The following BARD1 variants were observed in gnomAD, a reference collection of about 807,000 sequenced individuals.
BARD1 encodes BRCA1 associated RING domain 1.
BARD1 carries 73 observed loss-of-function variants against 77.0 expected under a neutral mutation model. The observed-to-expected ratio is 0.95, with a 90% CI of 0.79 to 1.15. The LOEUF (loss-of-function observed/expected upper bound fraction) is 1.15. Ranked by LOEUF, BARD1 falls within the 50% of genes most tolerant of loss-of-function variation. BARD1 has a pLI of 0.00. For synonymous variants in BARD1, 384 were observed against 338.0 expected (o/e 1.14, Z -1.49); for missense variants, 993 against 938.8 (o/e 1.06, Z -0.75).
At chr2:214,747,499 A>G (rs1398823521) in intron 7 of BARD1, among the ~76,000 whole-genome samples, 1 of 151,564 alleles carries the variant, frequency 6.6e-6, no homozygotes, top group African/African-American at 2.4e-5. Context: ...AATGTGGCAC[A>G]TATATACCAT....
intron 7 of BARD1, among the ~76,000 whole-genome samples, chr2:214,749,621 A>G (rs1419944769): frequency 2.6e-5 from 4 of 152,214 alleles, no homozygotes; most frequent in African/African-American, 9.6e-5. Context: ...GAACATCAGC[A>G]AAGGACAACT....
rs879254117 is a variant in BARD1 at position 214,780,546 on chromosome 2, A to G, written c.1314+14T>C. On this transcript the variant is annotated intron_variant, in intron 4 of 10. Transcript: ENST00000260947. ...GCCTCATTCTGAGATGGTATTTCAG[A>G]GTAAGCATCCTACCTTAATAGAAGC... 6.2e-7 allele frequency: 1 copy of G among 1,609,146 alleles called. No homozygotes were observed. The highest frequency in any genetic ancestry group is 8.5e-7 in the Non-Finnish European group (1 of 1,175,698).
At chr2:214,781,871 T>C (rs1214297196) in intron 3 of BARD1, among the ~76,000 whole-genome samples, 1 of 152,174 alleles carries the variant, frequency 6.6e-6, no homozygotes, top group African/African-American at 2.4e-5. Context: ...TGGAGAGATA[T>C]ACCATGTTCA....
intron 1 of BARD1, among the ~76,000 whole-genome samples, chr2:214,800,578 C>G: frequency 6.6e-6 from 1 of 152,052 alleles, no homozygotes; most frequent in Non-Finnish European, 1.5e-5. Flanking sequence ...AAAATTATTA[C>G]AACTAGGAGA....
chr2:214,772,201 C>G (rs1694532476), intron 4 of BARD1, among the ~76,000 whole-genome samples: 1 of 152,124 alleles, frequency 6.6e-6, no homozygotes, highest in Non-Finnish European at 1.5e-5. Context: ...CAAGCAATCT[C>G]CTGCCTTAGC....
intron 4 of BARD1, among the ~76,000 whole-genome samples, chr2:214,775,126 G>A (rs1694682536): frequency 6.6e-6 from 1 of 152,164 alleles, no homozygotes; most frequent in South Asian, 2.1e-4. Context: ...CAACAGGGTA[G>A]CTCTTTTAAA....
chr2:214,729,603 TA>T (rs1692260670), intron 10 of BARD1, among the ~76,000 whole-genome samples: 1 of 152,190 alleles, frequency 6.6e-6, no homozygotes, highest in African/African-American at 2.4e-5. Flanking sequence ...TTCACTCTTC[TA>T]AAATTTTAGA....
At position 214,726,041 on chromosome 2, in the gene BARD1, A is replaced by G. The variant is rs1448794076; in HGVS notation, c.*2635T>C. The G allele has an allele frequency of 2.8e-5, 6 of 217,608 alleles. No homozygotes were observed. Among genetic ancestry groups the G allele is most frequent in the Non-Finnish European group, 5.5e-5 (6 of 108,384 alleles). 13.5% of individuals were successfully genotyped at this position (217,608 alleles called of 1,614,324 possible). ...ATTAAATTTACAAGGCAGGTGCAAA[A>G]AAAAAAAAAGGTGGGGGGACCGATG... On this transcript the variant is annotated 3_prime_UTR_variant, in exon 11 of 11. Coordinates refer to ENST00000260947, the MANE Select transcript of BARD1 (RefSeq NM_000465.4).
intron 9 of BARD1, among the ~76,000 whole-genome samples, chr2:214,742,918 A>G (rs913767057): frequency 2.0e-5 from 3 of 152,234 alleles, no homozygotes; most frequent in Non-Finnish European, 4.4e-5. Flanking sequence ...TTTGATACAA[A>G]AGCATCCCTA....
chr2:214,760,080 T>C (rs550923901), intron 6 of BARD1, among the ~76,000 whole-genome samples: 85 of 152,300 alleles, frequency 5.6e-4, no homozygotes, highest in African/African-American at 2.0e-3. Flanking sequence ...CTTCCTGGGC[T>C]ACAAAAAAAG....
chr2:214,807,035 A>C (rs1696308670), intron 1 of BARD1, among the ~76,000 whole-genome samples: 1 of 152,168 alleles, frequency 6.6e-6, no homozygotes, highest in Admixed American at 6.5e-5. Context: ...ACAGCCCTTA[A>C]GGAAAGAATG....
intron 10 of BARD1, 140 bp downstream of exon 10, chr2:214,730,271 G>A: frequency 1.4e-6 from 1 of 727,940 alleles, no homozygotes; most frequent in Non-Finnish European, 2.4e-6. Flanking sequence ...TCATCTTTCA[G>A]AATCAAGTGC....
At chr2:214,808,751 G>A (rs1035192872) in intron 1 of BARD1, among the ~76,000 whole-genome samples, 1 of 152,142 alleles carries the variant, frequency 6.6e-6, no homozygotes, top group Non-Finnish European at 1.5e-5. Context: ...AACCCTGAGA[G>A]GACTCCCATA....
chr2:214,775,727 G>A (rs1403062948), intron 4 of BARD1, among the ~76,000 whole-genome samples: 2 of 152,164 alleles, frequency 1.3e-5, no homozygotes, highest in African/African-American at 2.4e-5. Flanking sequence ...AGATAATTCT[G>A]ATAACCTGGT....
At chr2:214,730,242 A>ATT (rs1692289363) in intron 10 of BARD1, 169 bp downstream of exon 10, 10 of 652,662 alleles carry the variant, frequency 1.5e-5, no homozygotes, top group Non-Finnish European at 2.7e-6. Context: ...TACCTTCTGG[A>ATT]TTTTACTGCT....
intron 6 of BARD1, among the ~76,000 whole-genome samples, chr2:214,764,035 A>T (rs1345103308): frequency 1.3e-5 from 2 of 152,204 alleles, no homozygotes; most frequent in East Asian, 3.9e-4. Context: ...ATGGATGCCA[A>T]TTGGGCAAAA....
In BARD1 at chr2:214,780,952, G is replaced by C. The variant is rs1407053508; in HGVS notation, c.922C>G (p.Leu308Val). Residue 308 changes from leucine (L) to valine (V), a missense_variant, in exon 4 of 11, where the codon CTT (leucine) becomes GTT (valine). Coordinates refer to ENST00000260947, the MANE Select transcript of BARD1 (RefSeq NM_000465.4). ...AATGGCAAAGATTTCTTAGATGTAA[G>C]ATAATTTTTGCAGACCTTCTCAGGA... ...VTPEKVCKNY[L>V]TSKKSLPLEN... 2 of 1,613,656 alleles carry C rather than the reference G, an allele frequency of 1.2e-6. No homozygotes were observed. The highest frequency in any genetic ancestry group is 1.7e-6 in the Non-Finnish European group (2 of 1,179,864).
chr2:214,729,545 C>T (rs528935241), intron 10 of BARD1, among the ~76,000 whole-genome samples: 9 of 152,232 alleles, frequency 5.9e-5, no homozygotes, highest in African/African-American at 2.2e-4. Flanking sequence ...ATAGGGGCTT[C>T]CTATTTACAA....
At chr2:214,765,657 T>C (rs1173322610) in intron 6 of BARD1, among the ~76,000 whole-genome samples, 1 of 152,066 alleles carries the variant, frequency 6.6e-6, no homozygotes, top group African/African-American at 2.4e-5. Context: ...CGTTACCAAA[T>C]AGCTTGCAAC....
Sources: gnomAD v4.1 joint callset for allele counts (sites outside exome capture counted in the v4.1 genomes callset) on GRCh38, gnomAD v4.1.1 for gene constraint, MANE v1.5 for transcripts, NCBI Gene and HGNC (gene_info 2026-07-23, HGNC 2026-07-21) for gene names.